Variants in ANK3 observed in about 807,000 individuals in gnomAD.
The protein encoded by ANK3 is ankyrin-3.
A neutral mutation model predicts 370.9 loss-of-function variants in ANK3; 57 were observed. The ratio of observed to expected loss-of-function variants is 0.15; its 90% CI spans 0.12 to 0.19. The LOEUF (loss-of-function observed/expected upper bound fraction) is 0.19, where lower values mean the gene tolerates loss of function less well. ANK3 is among the 10% of genes least tolerant of loss of function. The probability of loss-of-function intolerance (pLI) is 1.00; values close to 1 mark genes in which losing one functional copy is unlikely to be tolerated. For missense variants in ANK3, 4,439 were observed against 5,302.1 expected, an observed-to-expected ratio of 0.84 and a Z score of 5.06; for synonymous variants, 1,929 against 1,946.3, an observed-to-expected ratio of 0.99 and a Z score of 0.23.
intron 2 of ANK3, among the ~76,000 whole-genome samples, chr10:60,450,632 C>T (rs947072743): frequency 3.9e-5 from 6 of 151,992 alleles, no homozygotes; most frequent in African/African-American, 9.7e-5. Flanking sequence ...TCAAAAAAAG[C>T]GTAAGTTCTT....
At chr10:60,193,493 T>C (rs1285573937) in intron 16 of ANK3, among the ~76,000 whole-genome samples, 3 of 126,702 alleles carry the variant, frequency 2.4e-5, no homozygotes, top group Admixed American at 8.3e-5. Flanking sequence ...CCATCTCTAC[T>C]AAAAATACAA....
chr10:60,545,371 G>A (rs2133222595), intron 2 of ANK3, among the ~76,000 whole-genome samples: 1 of 151,716 alleles, frequency 6.6e-6, no homozygotes, highest in South Asian at 2.1e-4. Context: ...GAGCATATTG[G>A]TGTCTTTTAT....
At chr10:60,355,659 G>A (rs61846510) in intron 1 of ANK3, among the ~76,000 whole-genome samples, 3,797 of 152,240 alleles carry the variant, frequency 0.025, 70 homozygotes, top group Middle Eastern at 0.048. Context: ...TGAAGTGCTC[G>A]CTCACCTCCA....
At chr10:60,194,187 T>C (rs199946964) in intron 16 of ANK3, among the ~76,000 whole-genome samples, 1 of 152,114 alleles carries the variant, frequency 6.6e-6, no homozygotes, top group East Asian at 1.9e-4. Flanking sequence ...AAAAATGAAA[T>C]GAAATAAAAT....
chr10:60,336,639 T>G (rs534479043), intron 1 of ANK3, among the ~76,000 whole-genome samples: 8 of 152,172 alleles, frequency 5.3e-5, no homozygotes, highest in Non-Finnish European at 1.0e-4. Context: ...TTTTCTAAAA[T>G]GAATGTGCAT....
At position 60,254,925 on chromosome 10, in the gene ANK3, A is replaced by G. The variant is rs531959571; in HGVS notation, c.798+6934T>C. ...TTTTGAATTCAATAAATATATACTGAGTCCCTCCCAGCACCAGGTACTGGG... is the reference window on the plus strand; with the variant it reads ...TTTTGAATTCAATAAATATATACTGGGTCCCTCCCAGCACCAGGTACTGGG... On this transcript the variant is annotated intron_variant, in intron 7 of 43. Coordinates refer to ENST00000280772, the MANE Select transcript of ANK3 (RefSeq NM_020987.5). Among the ~76,000 whole-genome samples the G allele has an allele frequency of 8.5e-5, 13 of 152,284 alleles. No individual in the cohort carries two copies. The East Asian group carries it at 1.9e-3, about 23-fold the overall frequency.
intron 10 of ANK3, among the ~76,000 whole-genome samples, chr10:60,206,638 G>C (rs974699776): frequency 6.6e-6 from 1 of 152,124 alleles, no homozygotes; most frequent in Non-Finnish European, 1.5e-5. Context: ...AAAACGTTTT[G>C]ATTTCTTCTC....
At chr10:60,142,120 A>G (rs1467285226) in intron 23 of ANK3, among the ~76,000 whole-genome samples, 1 of 152,152 alleles carries the variant, frequency 6.6e-6, no homozygotes, top group African/African-American at 2.4e-5. Context: ...CCTATGATGC[A>G]ATGTTCCTTC....
intron 1 of ANK3, among the ~76,000 whole-genome samples, chr10:60,289,264 CTTT>C (rs34525147): frequency 0.11 from 15,416 of 134,406 alleles, 1,024 homozygotes; most frequent in Non-Finnish European, 0.17. Context: ...TATGCCCTGC[CTTT>C]TTTTTTTTTT....
intron 12 of ANK3, among the ~76,000 whole-genome samples, chr10:60,202,437 A>G (rs1432106917): frequency 6.6e-6 from 1 of 152,200 alleles, no homozygotes; most frequent in Non-Finnish European, 1.5e-5. Context: ...TTTATTTTTT[A>G]AAACATAATA....
intron 28 of ANK3, among the ~76,000 whole-genome samples, chr10:60,089,467 G>A (rs1455007943): frequency 5.4e-5 from 1 of 18,554 alleles, no homozygotes; most frequent in South Asian, 2.5e-3. Context: ...GGTTGTGTGT[G>A]TGTGTGTGTG....
intron 1 of ANK3, among the ~76,000 whole-genome samples, chr10:60,708,621 G>C (rs2079653412): frequency 6.6e-6 from 1 of 152,166 alleles, no homozygotes; most frequent in African/African-American, 2.4e-5. Flanking sequence ...AACGGAATCT[G>C]ATTTGCCAGA....
At chr10:60,619,265 C>T (rs2078304775) in intron 1 of ANK3, among the ~76,000 whole-genome samples, 1 of 151,926 alleles carries the variant, frequency 6.6e-6, no homozygotes, top group African/African-American at 2.4e-5. Flanking sequence ...AAAAACACAC[C>T]CACACCCACC....
chr10:60,191,407 A>G (rs2096478246), intron 16 of ANK3, among the ~76,000 whole-genome samples: 1 of 152,164 alleles, frequency 6.6e-6, no homozygotes, highest in Non-Finnish European at 1.5e-5. Context: ...TCCATTAAAA[A>G]GAAGGCAAAG....
At chr10:60,363,612 G>C (rs2058965844) in intron 1 of ANK3, among the ~76,000 whole-genome samples, 1 of 152,206 alleles carries the variant, frequency 6.6e-6, no homozygotes. Context: ...CTCCGACTGT[G>C]ATGGCCCCAA....
chr10:60,283,039 T>C (rs1032425809), intron 1 of ANK3, among the ~76,000 whole-genome samples: 2 of 152,220 alleles, frequency 1.3e-5, no homozygotes, highest in African/African-American at 4.8e-5. Flanking sequence ...ATTGTGTCAA[T>C]ATCTGGATAC....
At chr10:60,497,004 A>T (rs183200127) in intron 2 of ANK3, among the ~76,000 whole-genome samples, 5 of 152,320 alleles carry the variant, frequency 3.3e-5, no homozygotes, top group Admixed American at 2.0e-4. Context: ...TTTTAGAAAA[A>T]AACAAAACAA....
intron 7 of ANK3, among the ~76,000 whole-genome samples, chr10:60,240,802 G>C (rs1565923935): frequency 6.6e-6 from 1 of 152,178 alleles, no homozygotes; most frequent in East Asian, 1.9e-4. Flanking sequence ...ACGTTGGCCA[G>C]GCTGGTCTTG....
chr10:60,238,011 T>C (rs1275842951), intron 7 of ANK3, among the ~76,000 whole-genome samples: 1 of 152,154 alleles, frequency 6.6e-6, no homozygotes, highest in African/African-American at 2.4e-5. Flanking sequence ...AAGACGTTTG[T>C]TTAAAAACCC....
Sources: allele counts gnomAD v4.1 joint callset (sites outside exome capture counted in the v4.1 genomes callset), GRCh38; gene constraint gnomAD v4.1.1; transcripts MANE v1.5; gene names NCBI Gene and HGNC (gene_info 2026-07-23, HGNC 2026-07-21).